The following CNTN5 variants were observed in gnomAD, a reference collection of about 807,000 sequenced individuals.
CNTN5 encodes contactin-5.
In CNTN5, 77 loss-of-function variants were observed where a neutral mutation model predicts 129.1. The observed-to-expected ratio is 0.60, with a 90% CI of 0.50 to 0.72. CNTN5 has a LOEUF of 0.72. Ranked by LOEUF, CNTN5 falls within the 30% of genes least tolerant of loss-of-function variation. The pLI is 0.00. For synonymous variants in CNTN5, 509 were observed against 465.6 expected (o/e 1.09, Z -1.20); for missense variants, 1,478 against 1,328.8 (o/e 1.11, Z -1.75).
chr11:99,045,491 G>A (rs1000806725), intron 1 of CNTN5, among the ~76,000 whole-genome samples: 2 of 152,128 alleles, frequency 1.3e-5, no homozygotes, highest in South Asian at 4.1e-4. Flanking sequence ...AATTAATATA[G>A]TTGTATCTGT....
chr11:99,794,007 G>A (rs1945845485), intron 3 of CNTN5, among the ~76,000 whole-genome samples: 1 of 152,158 alleles, frequency 6.6e-6, no homozygotes, highest in African/African-American at 2.4e-5. Context: ...AATACAGTCA[G>A]TGGTGTGTTG....
At chr11:100,220,044 G>A (rs1019064656) in intron 15 of CNTN5, among the ~76,000 whole-genome samples, 1 of 151,956 alleles carries the variant, frequency 6.6e-6, no homozygotes, top group Non-Finnish European at 1.5e-5. Flanking sequence ...TTGGGAGGCT[G>A]AGGTGGGTGG....
intron 2 of CNTN5, among the ~76,000 whole-genome samples, chr11:99,441,142 A>G (rs115830768): frequency 4.8e-4 from 73 of 152,260 alleles, no homozygotes; most frequent in African/African-American, 1.7e-3. Context: ...TGATATTTTA[A>G]GGTTGAAGTT....
intron 21 of CNTN5, chr11:100,308,931 T>C: frequency 1.0e-6 from 1 of 984,528 alleles, no homozygotes; most frequent in Non-Finnish European, 1.2e-6. Flanking sequence ...GTTTTTTTGG[T>C]CCCTTAAATG....
intron 3 of CNTN5, among the ~76,000 whole-genome samples, chr11:99,730,714 T>C (rs1193333061): frequency 6.6e-6 from 1 of 152,226 alleles, no homozygotes; most frequent in Non-Finnish European, 1.5e-5. Flanking sequence ...TACGGAAACG[T>C]GATGATGCAT....
chr11:99,238,373 C>G (rs10892965), intron 1 of CNTN5, among the ~76,000 whole-genome samples: 93,366 of 151,872 alleles, frequency 0.61, 29,432 homozygotes, highest in African/African-American at 0.75. Context: ...GCATAAAATG[C>G]AATCTGAACC....
chr11:99,280,496 C>T (rs1863645431), intron 1 of CNTN5, among the ~76,000 whole-genome samples: 2 of 151,202 alleles, frequency 1.3e-5, no homozygotes, highest in South Asian at 2.1e-4. Flanking sequence ...AAAGGTTTGA[C>T]TAGAAAAAAA....
chr11:99,922,990 G>A lies in CNTN5; in HGVS notation c.673+6841G>A, dbSNP rs1026080727. ...TCATGTATTGCTATTTCAAATTGTAGCAGCTACTATGATTCAGTGGAAGCT... is the reference window on the plus strand; with the variant it reads ...TCATGTATTGCTATTTCAAATTGTAACAGCTACTATGATTCAGTGGAAGCT... On this transcript the variant is annotated intron_variant, in intron 7 of 24. Coordinates refer to ENST00000524871, the MANE Select transcript of CNTN5 (RefSeq NM_014361.4). Among the ~76,000 whole-genome samples the A allele has an allele frequency of 7.2e-5, 11 of 152,228 alleles. No individual in the cohort carries two copies. The East Asian group carries it at 2.1e-3, about 29-fold the overall frequency.
At chr11:99,533,331 T>C (rs10893471) in intron 2 of CNTN5, among the ~76,000 whole-genome samples, 51,365 of 152,186 alleles carry the variant, frequency 0.34, 8,981 homozygotes, top group Non-Finnish European at 0.39. Context: ...CTTCCCCACC[T>C]TTCCTGATAT....
chr11:99,984,936 G>C (rs1938577932), intron 8 of CNTN5, among the ~76,000 whole-genome samples: 1 of 152,184 alleles, frequency 6.6e-6, no homozygotes, highest in Non-Finnish European at 1.5e-5. Flanking sequence ...ATGTGAGTAA[G>C]TGAGTGTGGA....
chr11:100,329,045 A>G lies in CNTN5; in HGVS notation c.2731-11418A>G, dbSNP rs912294302. On this transcript the variant is annotated intron_variant, in intron 21 of 24. Coordinates refer to ENST00000524871, the MANE Select transcript of CNTN5 (RefSeq NM_014361.4). ...CTGGGATAAGTTCTCAGTCTTGATC[A>G]CTGGCTGCCCGGAAATAAACTCAGT... Among the ~76,000 whole-genome samples the G allele has an allele frequency of 5.9e-5, 9 of 152,128 alleles. No individual in the cohort carries two copies. The South Asian group carries it at 1.7e-3, about 28-fold the overall frequency.
chr11:99,856,881 T>G (rs1002361419), intron 6 of CNTN5, among the ~76,000 whole-genome samples: 1 of 152,164 alleles, frequency 6.6e-6, no homozygotes, highest in Non-Finnish European at 1.5e-5. Context: ...CCTAAAAGTA[T>G]TTCATGCTCA....
intron 3 of CNTN5, among the ~76,000 whole-genome samples, chr11:99,696,393 G>A (rs528217927): frequency 6.6e-6 from 1 of 151,980 alleles, no homozygotes; most frequent in African/African-American, 2.4e-5. Context: ...TGATGAGATA[G>A]AGTATTTTTA....
chr11:99,160,391 T>G (rs935233092), intron 1 of CNTN5, among the ~76,000 whole-genome samples: 1 of 152,214 alleles, frequency 6.6e-6, no homozygotes, highest in Non-Finnish European at 1.5e-5. Flanking sequence ...ATAAGCTATA[T>G]GTGGGGTGAA....
intron 4 of CNTN5, among the ~76,000 whole-genome samples, chr11:99,828,220 A>C (rs1947028956): frequency 6.6e-6 from 1 of 152,178 alleles, no homozygotes; most frequent in African/African-American, 2.4e-5. Context: ...GTGAAAAAAA[A>C]CTTTATGAGC....
intron 1 of CNTN5, among the ~76,000 whole-genome samples, chr11:99,191,768 A>C (rs1206124861): frequency 6.6e-6 from 1 of 151,822 alleles, no homozygotes; most frequent in Non-Finnish European, 1.5e-5. Context: ...TGAGACAATA[A>C]AAAATGGACA....
At chr11:99,473,549 A>T (rs1945254868) in intron 2 of CNTN5, among the ~76,000 whole-genome samples, 1 of 149,976 alleles carries the variant, frequency 6.7e-6, no homozygotes, top group African/African-American at 2.5e-5. Flanking sequence ...TCTTTACTGA[A>T]GTGATTTTTT....
intron 21 of CNTN5, among the ~76,000 whole-genome samples, chr11:100,310,183 T>G (rs996881378): frequency 6.6e-6 from 1 of 151,908 alleles, no homozygotes; most frequent in South Asian, 2.1e-4. Context: ...GTGAATTCAC[T>G]CTAAACCTCT....
intron 3 of CNTN5, among the ~76,000 whole-genome samples, chr11:99,706,278 C>G (rs904203025): frequency 2.4e-4 from 37 of 151,346 alleles, no homozygotes; most frequent in African/African-American, 9.0e-4. Flanking sequence ...TTATACAGAA[C>G]TTTATAAAAG....
Sources: gnomAD v4.1 joint callset for allele counts (sites outside exome capture counted in the v4.1 genomes callset) on GRCh38, gnomAD v4.1.1 for gene constraint, MANE v1.5 for transcripts, NCBI Gene and HGNC (gene_info 2026-07-23, HGNC 2026-07-21) for gene names.